FLNC: variants seen among roughly 807,000 people sequenced by gnomAD.
FLNC encodes the protein filamin C, also known as filamin-C.
A neutral mutation model predicts 254.3 loss-of-function variants in FLNC; 91 were observed. The ratio of observed to expected loss-of-function variants is 0.36; its 90% CI spans 0.30 to 0.43. The LOEUF (loss-of-function observed/expected upper bound fraction) is 0.43, where lower values mean the gene tolerates loss of function less well. FLNC is among the 20% of genes least tolerant of loss of function. FLNC has a pLI of 1.00. For missense variants in FLNC, 2,853 were observed against 3,802.6 expected (o/e 0.75, Z 6.57); for synonymous variants, 1,430 against 1,577.2 (o/e 0.91, Z 2.21).
At position 128,843,793 on chromosome 7, in the gene FLNC, CAG is replaced by C. The variant is rs1324045077; in HGVS notation, c.2812-2_2812-1del. The C allele has an allele frequency of 6.2e-7, 1 of 1,613,294 alleles. No homozygotes were observed. Among genetic ancestry groups the C allele is most frequent in the East Asian group, 2.2e-5 (1 of 44,884 alleles). ...AGTTCTGACCTACCATTGTACCCAA[CAG>C]GGCAACATGGCAGTGACAGTGACTT... On this transcript the variant is annotated splice_acceptor_variant, in intron 18 of 47. Transcript: ENST00000325888. LOFTEE classifies it high-confidence loss of function.
chr7:128,837,079 G>A, intron 2 of FLNC, 81 bp from the exon 3 acceptor site: 5 of 957,622 alleles, frequency 5.2e-6, no homozygotes, highest in Non-Finnish European at 8.2e-6. Context: ...CACAGCCTCT[G>A]AGGGTGTTGG....
chr7:128,855,137 G>T, intron 42 of FLNC, 62 bp from the exon 43 acceptor site: 1 of 1,243,580 alleles, frequency 8.0e-7, no homozygotes. Context: ...GGCCAGGGTG[G>T]GGAGGCTCCC....
At position 128,852,677 on chromosome 7, in the gene FLNC, C is replaced by G; in HGVS notation, c.5929C>G (p.Leu1977Val). ...LKITESDLSQ[L>V]TASIRAPSGN... The stretch of plus-strand genomic sequence containing the variant: ...GATCACCGAGAGTGATCTGAGCCAG[C>G]TGACCGCCAGCATCCGTGCCCCCTC... Residue 1977 changes from leucine to valine, a missense_variant, in exon 36 of 48, where the codon CTG becomes GTG. By Grantham distance (32) the Leu-to-Val change is conservative. Transcript: ENST00000325888. The G allele has an allele frequency of 6.2e-7, 1 of 1,613,320 alleles. No individual in the cohort carries two copies. Among genetic ancestry groups the G allele is most frequent in the Non-Finnish European group, 8.5e-7 (1 of 1,180,010 alleles).
At chr7:128,834,894 C>T (rs567257409) in intron 1 of FLNC, among the ~76,000 whole-genome samples, 19 of 152,208 alleles carry the variant, frequency 1.2e-4, no homozygotes, top group Non-Finnish European at 2.8e-4. Context: ...GTGACGGCTT[C>T]GTGATATATC....
At chr7:128,847,009 A>C in intron 24 of FLNC, 104 bp downstream of exon 24, 1 of 1,441,394 alleles carries the variant, frequency 6.9e-7, no homozygotes, top group Non-Finnish European at 9.6e-7. Flanking sequence ...GAATGTTCAT[A>C]GAGAGGACAG....
chr7:128,854,971 G>A, intron 42 of FLNC, 59 bp downstream of exon 42: 1 of 1,585,704 alleles, frequency 6.3e-7, no homozygotes, highest in East Asian at 2.2e-5. Flanking sequence ...CTGGGTTTCT[G>A]CCCACTGGCC....
At position 128,846,761 on chromosome 7, in the gene FLNC, G is replaced by C. The variant is rs759979398; in HGVS notation, c.4144G>C (p.Gly1382Arg). 6.2e-7 allele frequency: 1 copy of C among 1,613,970 alleles called. No homozygotes were observed. The highest frequency in any genetic ancestry group is 2.2e-5 in the East Asian group (1 of 44,892). Residue 1382 changes from glycine (G) to arginine (R), a missense_variant, in exon 24 of 48, where the codon GGC (glycine) becomes CGC (arginine). Physicochemically the swap from Gly to Arg is moderately radical, Grantham distance 125 (BLOSUM62 -2). Transcript: ENST00000325888. ...ATCTCTCAGGGGAGCGGGCACCGGGGGCCTTGGCCTAGCCATCGAGGGTCC... is the reference window on the plus strand; with the variant it reads ...ATCTCTCAGGGGAGCGGGCACCGGGCGCCTTGGCCTAGCCATCGAGGGTCC... ...TVETRGAGTG[G>R]LGLAIEGPSE...
rs1808475013 is a variant in FLNC, at chr7:128,844,593, G to C, written c.3193-65G>C. 2.1e-6 allele frequency: 3 copies of C among 1,422,128 alleles called. No homozygotes were observed. The South Asian group carries it at 3.4e-5, about 16-fold the overall frequency. 88.1% of individuals were successfully genotyped at this position (1,422,128 alleles called of 1,614,324 possible). ...ACAGTTGGAGGTGATGAGTTGGGTGGGGGCCATGAAGGCTGGGATGAGGAG... is the reference window on the plus strand; with the variant it reads ...ACAGTTGGAGGTGATGAGTTGGGTGCGGGCCATGAAGGCTGGGATGAGGAG... On this transcript the variant is annotated intron_variant, in intron 20 of 47. Transcript: ENST00000325888.
rs1275499234 is a variant in FLNC at position 128,837,660 on chromosome 7, G to A, written c.874G>A (p.Val292Met). The A allele has an allele frequency of 6.8e-6, 11 of 1,612,370 alleles. No homozygotes were observed. Among genetic ancestry groups the A allele is most frequent in the South Asian group, 1.1e-5 (1 of 91,082 alleles). The change falls in exon 5 of 48, where the codon GTG becomes ATG. Residue 292 changes from valine (V) to methionine (M), a missense_variant. Val to Met is a conservative substitution (Grantham distance 21). Coordinates refer to ENST00000325888, the MANE Select transcript of FLNC (RefSeq NM_001458.5). Reference protein sequence around the residue: ...GPGIEPQGNTVLQPAHFTVQT... With the variant: ...GPGIEPQGNTMLQPAHFTVQT... ...AGGCATCGAGCCACAGGGCAACACCGTGCTGCAGCCTGCCCACTTCACCGT... is the reference window on the plus strand; with the variant it reads ...AGGCATCGAGCCACAGGGCAACACCATGCTGCAGCCTGCCCACTTCACCGT...
Position 128,836,452 on chromosome 7 carries a change from C to G in FLNC, c.602-708C>G, listed in dbSNP as rs564758056. Among the ~76,000 whole-genome samples, 15 of 152,224 alleles carry G rather than the reference C, an allele frequency of 9.9e-5. No homozygotes were observed. In the East Asian group the frequency reaches 2.7e-3, roughly 27 times the overall value. ...CCAGTCATGGATTCCAGCCTTGAGC[C>G]GGCCCCCTCCCCGAAACGGTGTGCC... On this transcript the variant is annotated intron_variant, in intron 2 of 47. Transcript: ENST00000325888. The surrounding 1 kb of genome is among the most constrained non-coding windows in gnomAD (Gnocchi z 6.0).
chr7:128,840,304 T>C, intron 9 of FLNC, 144 bp downstream of exon 9: 1 of 1,068,064 alleles, frequency 9.4e-7, no homozygotes, highest in Non-Finnish European at 1.4e-6. Context: ...CTCAGGCTCA[T>C]TGTCTCCTCT....
intron 39 of FLNC, 50 bp from the exon 40 acceptor site, chr7:128,853,923 CT>C (rs748503068): frequency 6.2e-7 from 1 of 1,613,108 alleles, no homozygotes; most frequent in South Asian, 1.1e-5. Context: ...CTCCACCCTG[CT>C]TCCTCACCCC....
Position 128,844,569 on chromosome 7 carries a change from C to T in FLNC, c.3193-89C>T, listed in dbSNP as rs973813938. 27 of 1,221,614 alleles carry T rather than the reference C, an allele frequency of 2.2e-5. No homozygotes were observed. The African/African-American group carries it at 3.8e-4, about 17-fold the overall frequency. 75.7% of individuals were successfully genotyped at this position (1,221,614 alleles called of 1,614,324 possible). A position where few individuals can be genotyped will look rare whatever the true frequency, so the allele number is the denominator to read the frequency against. ...AGCACTCAGTCCACAGTAGCAGCCA[C>T]AGTTGGAGGTGATGAGTTGGGTGGG... On this transcript the variant is annotated intron_variant, in intron 20 of 47. Coordinates refer to ENST00000325888, the MANE Select transcript of FLNC (RefSeq NM_001458.5).
chr7:128,857,304 T>C lies in FLNC; in HGVS notation c.7748T>C (p.Ile2583Thr), dbSNP rs1809108010. The change falls in exon 46 of 48, where the codon ATC becomes ACC. Residue 2583 changes from isoleucine (I) to threonine (T), a missense_variant. Ile to Thr is a moderately conservative substitution (Grantham distance 89). Coordinates refer to ENST00000325888, the MANE Select transcript of FLNC (RefSeq NM_001458.5). This position sits in a 1 kb window ranked among gnomAD's most constrained non-coding sequence, Gnocchi z 4.5. ...IAIKYGGPQH[I>T]VGSPFKAKVT... ...ATCAAGTACGGTGGCCCCCAGCACATCGTGGGCAGCCCCTTCAAGGCCAAG... is the reference window on the plus strand; with the variant it reads ...ATCAAGTACGGTGGCCCCCAGCACACCGTGGGCAGCCCCTTCAAGGCCAAG... 2.5e-6 allele frequency: 4 copies of C among 1,613,468 alleles called. No individual in the cohort carries two copies. The highest frequency in any genetic ancestry group is 1.3e-5 in the African/African-American group (1 of 74,850).
Position 128,845,251 on chromosome 7 carries a change from A to T in FLNC, c.3786A>T (p.Pro1262=). The change falls in exon 21 of 48, where the codon CCA becomes CCT. Residue 1262 remains proline (P), a synonymous_variant. Coordinates refer to ENST00000325888, the MANE Select transcript of FLNC (RefSeq NM_001458.5). ...GVKVSGPGVE[P]HGVLREVTTE... is the part of the protein sequence containing the mutation. ...AGGTCTCAGGGCCTGGTGTTGAGCC[A>T]CACGGTGAGTGGACAGGAGGAGCCA... The T allele has an allele frequency of 6.2e-7, 1 of 1,612,766 alleles. No homozygotes were observed. Among genetic ancestry groups the T allele is most frequent in the South Asian group, 1.1e-5 (1 of 91,008 alleles).
Position 128,844,785 on chromosome 7 carries a change from T to C in FLNC, c.3320T>C (p.Ile1107Thr). 1.2e-6 allele frequency: 2 copies of C among 1,614,084 alleles called. No homozygotes were observed. The highest frequency in any genetic ancestry group is 1.7e-6 in the Non-Finnish European group (2 of 1,180,022). The change falls in exon 21 of 48, where the codon ATC becomes ACC. Residue 1107 changes from isoleucine to threonine, a missense_variant. By Grantham distance (89) the Ile-to-Thr change is moderately conservative. Around this residue, in one of 10 missense-constraint regions of FLNC, gnomAD observed 1,573 missense variants for 1,883.5 expected, o/e 0.84. Transcript: ENST00000325888. ...GTAGAGGGCCCCTGCGAGGCCAAGA[T>C]CGAGTGCCAGGACAATGGTGATGGC... The part of the protein sequence containing the change: ...LTVEGPCEAK[I>T]ECQDNGDGSC...
chr7:128,846,066 G>A lies in FLNC; in HGVS notation c.3867G>A (p.Thr1289=), dbSNP rs886038485. The change falls in exon 22 of 48, where the codon ACG becomes ACA. Residue 1289 remains threonine, a synonymous_variant. Coordinates refer to ENST00000325888, the MANE Select transcript of FLNC (RefSeq NM_001458.5). ...SLTATGGNHV[T]ARVLNPSGAK... ...CAGCCACAGGCGGCAACCACGTGAC[G>A]GCTCGTGTGCTCAACCCCTCGGGGG... The A allele has an allele frequency of 3.7e-6, 6 of 1,613,870 alleles. No individual in the cohort carries two copies. Among genetic ancestry groups the A allele is most frequent in the Middle Eastern group, 1.6e-4 (1 of 6,084 alleles).
rs547655051 is a variant in FLNC, at chr7:128,836,747, TA to T, written c.602-412del. On this transcript the variant is annotated intron_variant, in intron 2 of 47. Transcript: ENST00000325888. The surrounding 1 kb of genome is among the most constrained non-coding windows in gnomAD (Gnocchi z 6.0). Reference sequence around the variant, plus strand: ...TCGGGGCAGCTGTGAGGAGGCCTTCTAGGGGGGATGGGTCAGGGGCATATGT... The same window carrying T: ...TCGGGGCAGCTGTGAGGAGGCCTTCTGGGGGGATGGGTCAGGGGCATATGT... Among the ~76,000 whole-genome samples the T allele has an allele frequency of 3.7e-3, 561 of 152,272 alleles. 4 individuals are homozygous for T. The highest frequency in any genetic ancestry group is 0.013 in the African/African-American group (530 of 41,550).
intron 26 of FLNC, 73 bp downstream of exon 26, chr7:128,848,141 C>G: frequency 6.5e-7 from 1 of 1,528,250 alleles, no homozygotes. Flanking sequence ...CACTCAGGAT[C>G]ACTGCTGGAG....
Sources: gnomAD v4.1 joint callset for allele counts (sites outside exome capture counted in the v4.1 genomes callset) on GRCh38, gnomAD v4.1.1 for gene constraint, gnomAD v4.1.1 regional missense constraint, Gnocchi (gnomAD v3.1) non-coding constraint, MANE v1.5 for transcripts, NCBI Gene and HGNC (gene_info 2026-07-23, HGNC 2026-07-21) for gene names.